ARHGAP11A: variants seen among roughly 807,000 people sequenced by gnomAD.
ARHGAP11A encodes the protein rho GTPase-activating protein 11A.
In ARHGAP11A, 36 loss-of-function variants were observed where a neutral mutation model predicts 60.5. That is an observed-to-expected ratio of 0.59 (90% CI 0.46 to 0.79). The LOEUF is 0.79. Among genes scored for constraint, ARHGAP11A ranks in the 30% least tolerant of loss-of-function variants. ARHGAP11A has a pLI of 0.00. For synonymous variants in ARHGAP11A, 362 were observed against 415.5 expected, an observed-to-expected ratio of 0.87 and a Z score of 1.57; for missense variants, 1,071 against 1,199.2, an observed-to-expected ratio of 0.89 and a Z score of 1.58.
At chr15:32,628,285 AT>A in intron 6 of ARHGAP11A, among the ~76,000 whole-genome samples, 2 of 152,318 alleles carry the variant, frequency 1.3e-5, no homozygotes, top group East Asian at 1.9e-4. Context: ...AAACTATGTT[AT>A]TTATTTTCCA....
In ARHGAP11A at chr15:32,639,184, TA is replaced by T. The variant is rs1376050919; in HGVS notation, c.*1340del. On this transcript the variant is annotated 3_prime_UTR_variant, in exon 12 of 12. Transcript: ENST00000361627. ...AAAGAGTATTATGAACAATAGAACA[TA>T]TTCTCTAGGTTGTAGAGGAAGGAAT... 1 of 152,364 alleles carries T rather than the reference TA, an allele frequency of 6.6e-6. No individual in the cohort carries two copies. Among genetic ancestry groups the T allele is most frequent in the Non-Finnish European group, 1.5e-5 (1 of 68,034 alleles). 9.4% of individuals were successfully genotyped at this position (152,364 alleles called of 1,614,324 possible). A position where few individuals can be genotyped will look rare whatever the true frequency, so the allele number is the denominator to read the frequency against.
rs2053432855 is a variant in ARHGAP11A at position 32,625,335 on chromosome 15, T to C, written c.715+92T>C. ...AACTATGAAGGCAACTGTTAGAAAG[T>C]TGGTATATTACTGACCTCACCCCCA... is the stretch of plus-strand genomic sequence containing the variant. On this transcript the variant is annotated intron_variant, in intron 5 of 11. Coordinates refer to ENST00000361627, the MANE Select transcript of ARHGAP11A (RefSeq NM_014783.6). 3.4e-6 allele frequency: 5 copies of C among 1,467,168 alleles called. No individual in the cohort carries two copies. The Admixed American group carries it at 1.0e-4, about 30-fold the overall frequency. 90.9% of individuals were successfully genotyped at this position (1,467,168 alleles called of 1,614,324 possible).
intron 1 of ARHGAP11A, among the ~76,000 whole-genome samples, chr15:32,617,533 G>T (rs1209972340): frequency 1.4e-5 from 2 of 142,438 alleles, no homozygotes; most frequent in East Asian, 4.0e-4. Flanking sequence ...GTGCAGTGGC[G>T]CGATCTTGGC....
chr15:32,624,669 CCA>C (rs2053416585), intron 4 of ARHGAP11A, among the ~76,000 whole-genome samples: 2 of 152,076 alleles, frequency 1.3e-5, no homozygotes, highest in South Asian at 2.1e-4. Flanking sequence ...GATTCATTGT[CCA>C]CTGAAAGCCT....
chr15:32,620,203 G>C (rs1215115016), intron 2 of ARHGAP11A, 25 bp downstream of exon 2: 3 of 1,596,172 alleles, frequency 1.9e-6, no homozygotes, highest in African/African-American at 2.7e-5. Flanking sequence ...AAATGAAGAA[G>C]GCCGGGTGCA....
chr15:32,616,422 G>A, intron 1 of ARHGAP11A, 82 bp downstream of exon 1: 1 of 1,585,582 alleles, frequency 6.3e-7, no homozygotes, highest in Non-Finnish European at 8.6e-7. Context: ...GTGCTAAAAT[G>A]TTCACTCTGT....
rs1234553349 is a variant in ARHGAP11A, at chr15:32,637,601, G to A, written c.2828G>A (p.Arg943Lys). 6.2e-7 allele frequency: 1 copy of A among 1,614,128 alleles called. No homozygotes were observed. The highest frequency in any genetic ancestry group is 2.2e-5 in the East Asian group (1 of 44,886). Reference protein sequence around the residue: ...KHPDSVNASLRSTTVYKQKIL... With the variant: ...KHPDSVNASLKSTTVYKQKIL... ...CCAGATTCAGTGAATGCTTCTCTTAGGTCTACTACAGTTTATAAACAGAAG... is the reference window on the plus strand; with the variant it reads ...CCAGATTCAGTGAATGCTTCTCTTAAGTCTACTACAGTTTATAAACAGAAG... The change falls in exon 12 of 12, where the codon AGG (arginine) becomes AAG (lysine). Residue 943 changes from arginine to lysine, a missense_variant. Arg to Lys is a conservative substitution (Grantham distance 26). Transcript: ENST00000361627.
chr15:32,637,803 A>G lies in ARHGAP11A; in HGVS notation c.3030A>G (p.Gly1010=). Residue 1010 remains glycine (G), a synonymous_variant, in exon 12 of 12, where the codon GGA becomes GGG. Coordinates refer to ENST00000361627, the MANE Select transcript of ARHGAP11A (RefSeq NM_014783.6). ...AAGGTTCTCCAAAACATCCTATCGG[A>G]AAAACTCAATTACTACCAACAAGTA... is the stretch of plus-strand genomic sequence containing the variant. The part of the protein sequence containing the change: ...WYKGSPKHPI[G]KTQLLPTSKP... 6.2e-7 allele frequency: 1 copy of G among 1,606,340 alleles called. No homozygotes were observed.
chr15:32,634,106 AC>A, intron 10 of ARHGAP11A, 65 bp downstream of exon 10: 1 of 1,090,226 alleles, frequency 9.2e-7, no homozygotes, highest in Non-Finnish European at 1.3e-6. Flanking sequence ...ATACTAAAAA[AC>A]ACTCATAGCC....
rs565469945 is a variant in ARHGAP11A at position 32,615,790 on chromosome 15, T to C, written c.-422T>C. ...TGGGGCTGGAGGAGCGAGAAGGGTT[T>C]TCTTCACATTTCAGAGCGAACCAGA... is the stretch of plus-strand genomic sequence containing the variant. On this transcript the variant is annotated 5_prime_UTR_variant, in exon 1 of 12. Coordinates refer to ENST00000361627, the MANE Select transcript of ARHGAP11A (RefSeq NM_014783.6). 59 of 165,934 alleles carry C rather than the reference T, an allele frequency of 3.6e-4. 1 individual carries two copies. The highest frequency in any genetic ancestry group is 1.1e-3 in the South Asian group (6 of 5,680). The allele number at this position is 165,934 out of a possible 1,614,324, so 10.3% of individuals were successfully genotyped here.
At chr15:32,621,183 C>CTTTTTTT (rs60915388) in intron 2 of ARHGAP11A, among the ~76,000 whole-genome samples, 223 of 64,232 alleles carry the variant, frequency 3.5e-3, no homozygotes, top group East Asian at 5.2e-3. Flanking sequence ...ACCTTTTATT[C>CTTTTTTT]TTTTTTTTTT....
rs74011137 is a variant in ARHGAP11A at position 32,635,449 on chromosome 15, G to A, written c.1345-328G>A. The stretch of plus-strand genomic sequence containing the variant: ...TCTAAATAGAATGTAAATTACATAA[G>A]GATAAGATTTTGGTCTAGGTACCCC... On this transcript the variant is annotated intron_variant, in intron 10 of 11. Coordinates refer to ENST00000361627, the MANE Select transcript of ARHGAP11A (RefSeq NM_014783.6). Among the ~76,000 whole-genome samples the A allele has an allele frequency of 6.3e-3, 953 of 152,238 alleles. 12 individuals are homozygous for A. The highest frequency in any genetic ancestry group is 0.022 in the African/African-American group (907 of 41,528).
At chr15:32,635,546 T>C (rs756329470) in intron 10 of ARHGAP11A, among the ~76,000 whole-genome samples, 7 of 152,182 alleles carry the variant, frequency 4.6e-5, no homozygotes, top group Non-Finnish European at 1.0e-4. Context: ...TTAATTAATA[T>C]GTGAGACTGT....
chr15:32,624,958 G>A (rs2053423478), intron 4 of ARHGAP11A, 122 bp from the exon 5 acceptor site: 4 of 957,120 alleles, frequency 4.2e-6, no homozygotes, highest in Non-Finnish European at 6.3e-6. Context: ...GTAGATGAAG[G>A]GTAACTATTT....
intron 2 of ARHGAP11A, among the ~76,000 whole-genome samples, chr15:32,621,259 C>T (rs1245140603): frequency 7.4e-6 from 1 of 136,006 alleles, no homozygotes; most frequent in Non-Finnish European, 1.5e-5. Flanking sequence ...GGCGTGAGCT[C>T]GGCTCACCGC....
Position 32,625,664 on chromosome 15 carries a change from A to G in ARHGAP11A, c.862+31A>G, listed in dbSNP as rs368702307. 5.9e-5 allele frequency: 95 copies of G among 1,610,358 alleles called. No homozygotes were observed. In the African/African-American group the frequency reaches 1.1e-3, roughly 19 times the overall value. On this transcript the variant is annotated intron_variant, in intron 6 of 11. Transcript: ENST00000361627. ...TGGCGGTCCCATTTTATGGAGGTAC[A>G]GTGATTTGCTTTAATCGAAAGTACA...
rs906981518 is a variant in ARHGAP11A, at chr15:32,629,831, A to G, written c.1105+69A>G. On this transcript the variant is annotated intron_variant, in intron 8 of 11. Coordinates refer to ENST00000361627, the MANE Select transcript of ARHGAP11A (RefSeq NM_014783.6). ...GAGTGCCTATTCTGGGCACAGTGCA[A>G]TTTCATATTAATAATACCACCCTTA... 5.8e-6 allele frequency: 6 copies of G among 1,036,890 alleles called. No homozygotes were observed. In the African/African-American group the frequency reaches 6.6e-5, roughly 11 times the overall value. 64.2% of individuals were successfully genotyped at this position (1,036,890 alleles called of 1,614,324 possible).
chr15:32,637,737 G>T lies in ARHGAP11A; in HGVS notation c.2964G>T (p.Arg988Ser). 6.2e-7 allele frequency: 1 copy of T among 1,614,066 alleles called. No homozygotes were observed. The stretch of plus-strand genomic sequence containing the variant: ...GCATTTCTTCTGGGATAAATAACAG[G>T]GTCCTTAGGAGACCATCAGAAAGAG... ...NMGISSGINNRVLRRPSERGR... is the reference protein window; with the variant it reads ...NMGISSGINNSVLRRPSERGR... The change falls in exon 12 of 12, where the codon AGG becomes AGT. Residue 988 changes from arginine to serine, a missense_variant. Coordinates refer to ENST00000361627, the MANE Select transcript of ARHGAP11A (RefSeq NM_014783.6).
At chr15:32,619,956 C>T (rs1040010051) in intron 1 of ARHGAP11A, 152 bp from the exon 2 acceptor site, 7 of 1,407,964 alleles carry the variant, frequency 5.0e-6, no homozygotes, top group South Asian at 4.2e-5. Flanking sequence ...TTATCAAATG[C>T]ACTTGAAATG....
Sources: gnomAD v4.1 joint callset for allele counts (sites outside exome capture counted in the v4.1 genomes callset) on GRCh38, gnomAD v4.1.1 for gene constraint, MANE v1.5 for transcripts, NCBI Gene and HGNC (gene_info 2026-07-23, HGNC 2026-07-21) for gene names.